Variants in DCLK1 observed in about 807,000 individuals in gnomAD.
DCLK1 encodes the protein doublecortin like kinase 1.
DCLK1 carries 16 observed loss-of-function variants against 86.2 expected under a neutral mutation model. That is an observed-to-expected ratio of 0.19 (90% CI 0.13 to 0.28). The LOEUF is 0.28. Among genes scored for constraint, DCLK1 ranks in the 10% least tolerant of loss-of-function variants. The pLI, the probability that DCLK1 is intolerant of heterozygous loss-of-function variation, is 1.00. For missense variants in DCLK1, 590 were observed against 940.2 expected (o/e 0.63, Z 4.87); for synonymous variants, 369 against 370.5 (o/e 1.00, Z 0.05).
chr13:35,841,193 A>G (rs546757712), intron 6 of DCLK1, among the ~76,000 whole-genome samples: 61 of 152,210 alleles, frequency 4.0e-4, no homozygotes, highest in Admixed American at 8.5e-4. Flanking sequence ...TTTAGAATAC[A>G]AAGACACATT....
At chr13:35,795,938 AAAAAAACCAACAAC>A (rs2086800206) in intron 15 of DCLK1, among the ~76,000 whole-genome samples, 1 of 151,666 alleles carries the variant, frequency 6.6e-6, no homozygotes, top group Admixed American at 6.6e-5. Context: ...AAAAAAAAAA[AAAAAAACCAACAAC>A]AAAAAACCAA....
chr13:35,958,213 T>TATAACCACCACCACCATTATAAC (rs1878212935), intron 3 of DCLK1, among the ~76,000 whole-genome samples: 1 of 19,428 alleles, frequency 5.1e-5, no homozygotes. Context: ...ATTATAACCA[T>TATAACCACCACCACCATTATAAC]CACCACCACC....
chr13:36,062,678 C>G (rs960787750), intron 3 of DCLK1, among the ~76,000 whole-genome samples: 1 of 152,118 alleles, frequency 6.6e-6, no homozygotes. Context: ...AGGATGACGA[C>G]TTGATAGTGA....
intron 3 of DCLK1, among the ~76,000 whole-genome samples, chr13:36,067,215 A>G (rs1883787912): frequency 7.5e-6 from 1 of 132,500 alleles, no homozygotes; most frequent in African/African-American, 2.8e-5. Context: ...ACACCATGGA[A>G]TACTATGCAG....
At position 36,075,452 on chromosome 13, in the gene DCLK1, T is replaced by C. The variant is rs542512366; in HGVS notation, c.723+36417A>G. 2.0e-5 allele frequency among the ~76,000 whole-genome samples: 3 copies of C among 152,298 alleles called. No individual in the cohort carries two copies. The East Asian group carries it at 5.8e-4, about 29-fold the overall frequency. ...ACTTGTATGCGACATCTGAGTATTT[T>C]GGGAAATCGAGCATATGTCAGATGC... On this transcript the variant is annotated intron_variant, in intron 3 of 16. Coordinates refer to ENST00000360631, the MANE Select transcript of DCLK1 (RefSeq NM_001330071.2).
At chr13:35,962,836 C>G (rs1315555284) in intron 3 of DCLK1, among the ~76,000 whole-genome samples, 2 of 152,172 alleles carry the variant, frequency 1.3e-5, no homozygotes, top group African/African-American at 4.8e-5. Flanking sequence ...CTTATGCCAC[C>G]ATGACCAGTT....
chr13:35,849,216 C>T (rs1041395194), intron 6 of DCLK1: 23 of 984,740 alleles, frequency 2.3e-5, no homozygotes, highest in South Asian at 1.9e-4. Context: ...TGGTAACATA[C>T]GTAACTATAA....
intron 4 of DCLK1, among the ~76,000 whole-genome samples, chr13:35,881,089 G>A (rs935954827): frequency 5.9e-5 from 9 of 152,148 alleles, no homozygotes; most frequent in African/African-American, 2.2e-4. Context: ...ACGACCTGCA[G>A]CAACATGCCG....
intron 1 of DCLK1, among the ~76,000 whole-genome samples, chr13:36,126,825 A>G (rs1244840792): frequency 1.3e-5 from 2 of 152,226 alleles, no homozygotes; most frequent in Admixed American, 6.5e-5. Context: ...ATTATTCCCA[A>G]TAGACACAAC....
At chr13:35,931,580 T>C (rs1488897728) in intron 4 of DCLK1, among the ~76,000 whole-genome samples, 1 of 152,206 alleles carries the variant, frequency 6.6e-6, no homozygotes, top group East Asian at 1.9e-4. Flanking sequence ...CCCCAAGGAA[T>C]ACTATGTTCT....
At chr13:35,935,712 T>C (rs917590039) in intron 4 of DCLK1, among the ~76,000 whole-genome samples, 3 of 152,176 alleles carry the variant, frequency 2.0e-5, no homozygotes, top group Non-Finnish European at 2.9e-5. Context: ...GGGTTAGAGA[T>C]GTATACCTCA....
intron 4 of DCLK1, among the ~76,000 whole-genome samples, chr13:35,937,915 T>C (rs1876852697): frequency 6.6e-6 from 1 of 152,056 alleles, no homozygotes. Flanking sequence ...GACTGGAGGC[T>C]CTTTTAGGAT....
chr13:35,838,072 A>AAAAAAAAAAAAAAG (rs1555343219), intron 7 of DCLK1, among the ~76,000 whole-genome samples: 11 of 149,926 alleles, frequency 7.3e-5, no homozygotes, highest in African/African-American at 2.5e-4. Context: ...TCTCAAAAAA[A>AAAAAAAAAAAAAAG]AAAAGAAAAG....
At chr13:35,907,939 T>C (rs1874778782) in intron 4 of DCLK1, among the ~76,000 whole-genome samples, 1 of 151,946 alleles carries the variant, frequency 6.6e-6, no homozygotes, top group Admixed American at 6.6e-5. Flanking sequence ...ATATAAATTA[T>C]CTTTAAGTTT....
At chr13:36,022,253 A>C (rs1209219344) in intron 3 of DCLK1, among the ~76,000 whole-genome samples, 1 of 152,210 alleles carries the variant, frequency 6.6e-6, no homozygotes, top group East Asian at 1.9e-4. Context: ...ACACAAGCTG[A>C]TAAGATGCAG....
intron 3 of DCLK1, among the ~76,000 whole-genome samples, chr13:35,999,033 T>A (rs1301045800): frequency 1.3e-5 from 2 of 152,164 alleles, no homozygotes; most frequent in African/African-American, 4.8e-5. Context: ...TGAAGGCAGA[T>A]CACCTGAAGT....
chr13:35,966,525 CCTCTTT>C (rs1259907647), intron 3 of DCLK1, among the ~76,000 whole-genome samples: 1 of 135,814 alleles, frequency 7.4e-6, no homozygotes, highest in Non-Finnish European at 1.6e-5. Flanking sequence ...TCTCCCTCTC[CCTCTTT>C]GCACGGTCTC....
chr13:35,998,167 A>C (rs947254158), intron 3 of DCLK1, among the ~76,000 whole-genome samples: 7 of 152,198 alleles, frequency 4.6e-5, no homozygotes, highest in African/African-American at 1.7e-4. Flanking sequence ...AAGTATAAGA[A>C]AGTGTAGGAG....
rs62635342 is a variant in DCLK1 at position 35,958,131 on chromosome 13, A to G, written c.724-10674T>C. 3.3e-3 allele frequency among the ~76,000 whole-genome samples: 162 copies of G among 49,638 alleles called. 2 individuals are homozygous for G. The highest frequency in any genetic ancestry group is 7.6e-3 in the East Asian group (15 of 1,968). 32.6% of individuals were successfully genotyped at this position (49,638 alleles called of 152,430 possible). On this transcript the variant is annotated intron_variant, in intron 3 of 16. Transcript: ENST00000360631. ...CACCATCACCACCACCACTACCACT[A>G]CTATAACCACCACCACCACCACTAT...
Sources: allele counts gnomAD v4.1 joint callset (sites outside exome capture counted in the v4.1 genomes callset), GRCh38; gene constraint gnomAD v4.1.1; transcripts MANE v1.5; gene names NCBI Gene and HGNC (gene_info 2026-07-23, HGNC 2026-07-21).